The following RGS22 variants were observed in gnomAD, a reference collection of about 807,000 sequenced individuals.
The protein encoded by RGS22 is regulator of G protein signaling 22.
A neutral mutation model predicts 172.9 loss-of-function variants in RGS22; 148 were observed. The observed-to-expected ratio is 0.86, with a 90% confidence interval of 0.75 to 0.98. RGS22 has a LOEUF of 0.98. Among genes scored for constraint, RGS22 ranks in the 50% least tolerant of loss-of-function variants. The probability of loss-of-function intolerance (pLI) is 0.00; values close to 1 mark genes in which losing one functional copy is unlikely to be tolerated. For synonymous variants in RGS22, 458 were observed against 480.2 expected (o/e 0.95, Z 0.60); for missense variants, 1,347 against 1,440.8 (o/e 0.93, Z 1.05).
At position 99,976,568 on chromosome 8, in the gene RGS22, A is replaced by C. The variant is rs570193037; in HGVS notation, c.3519+1349T>G. ...AGTAGAGACGGGGTTTCACCGTGTT[A>C]GCCAGGATGGTCTCGATTTCCTGAC... On this transcript the variant is annotated intron_variant, in intron 23 of 27. Coordinates refer to ENST00000360863, the MANE Select transcript of RGS22 (RefSeq NM_015668.5). Among the ~76,000 whole-genome samples, 340 of 152,202 alleles carry C rather than the reference A, an allele frequency of 2.2e-3. 1 individual carries two copies. The highest frequency in any genetic ancestry group is 7.7e-3 in the African/African-American group (319 of 41,538).
At chr8:100,073,250 C>T (rs967558029) in intron 4 of RGS22, among the ~76,000 whole-genome samples, 14 of 152,094 alleles carry the variant, frequency 9.2e-5, no homozygotes, top group African/African-American at 3.1e-4. Context: ...AGAGTTAACA[C>T]ATAGACCATT....
chr8:100,002,438 G>T, intron 17 of RGS22, 74 bp from the exon 18 acceptor site: 1 of 1,426,740 alleles, frequency 7.0e-7, no homozygotes, highest in South Asian at 1.3e-5. Flanking sequence ...CCCGATTGTT[G>T]TTTTGACAGA....
chr8:100,045,363 G>A (rs984055280), intron 11 of RGS22, among the ~76,000 whole-genome samples: 15 of 152,034 alleles, frequency 9.9e-5, no homozygotes, highest in South Asian at 4.2e-4. Context: ...ACTATACCCC[G>A]GAGCATTCAC....
chr8:100,053,076 C>A, intron 9 of RGS22, 100 bp from the exon 10 acceptor site: 1 of 1,023,264 alleles, frequency 9.8e-7, no homozygotes, highest in South Asian at 1.6e-5. Flanking sequence ...AATTAACAGT[C>A]TTGCCATACC....
At chr8:100,045,296 C>G (rs186683676) in intron 11 of RGS22, among the ~76,000 whole-genome samples, 40 of 152,104 alleles carry the variant, frequency 2.6e-4, no homozygotes, top group African/African-American at 7.7e-4. Context: ...ACCTTAGGCT[C>G]TATATTCCTT....
chr8:100,035,829 A>G (rs1380344858), intron 14 of RGS22, among the ~76,000 whole-genome samples: 2 of 152,146 alleles, frequency 1.3e-5, no homozygotes, highest in Non-Finnish European at 2.9e-5. Context: ...GAAGCTGGAA[A>G]CCATCATTCT....
At chr8:100,031,620 C>A (rs575821643) in intron 14 of RGS22, among the ~76,000 whole-genome samples, 17 of 151,708 alleles carry the variant, frequency 1.1e-4, no homozygotes, top group African/African-American at 4.1e-4. Context: ...TTGTTTCATA[C>A]GTTTACTTAT....
intron 14 of RGS22, among the ~76,000 whole-genome samples, chr8:100,021,992 CT>C (rs1285464371): frequency 6.6e-6 from 1 of 152,076 alleles, no homozygotes; most frequent in Non-Finnish European, 1.5e-5. Context: ...GCAATCCAAT[CT>C]TTTTTTCTGC....
intron 12 of RGS22, among the ~76,000 whole-genome samples, chr8:100,040,822 G>C (rs1319412017): frequency 1.3e-5 from 2 of 152,060 alleles, no homozygotes; most frequent in East Asian, 3.9e-4. Context: ...AAAAAATTTA[G>C]GGTTTAAGTA....
chr8:99,962,290 T>G, intron 27 of RGS22, 104 bp downstream of exon 27: 1 of 718,856 alleles, frequency 1.4e-6, no homozygotes, highest in Non-Finnish European at 2.4e-6. Flanking sequence ...TAGTGGGACA[T>G]GTTATATGTG....
At chr8:100,016,544 G>A (rs1178940068) in intron 14 of RGS22, among the ~76,000 whole-genome samples, 1 of 152,128 alleles carries the variant, frequency 6.6e-6, no homozygotes, top group Non-Finnish European at 1.5e-5. Flanking sequence ...TTGGGAGGCT[G>A]AGGCAGGCAG....
At chr8:100,021,165 G>T (rs79366792) in intron 14 of RGS22, among the ~76,000 whole-genome samples, 1,823 of 152,220 alleles carry the variant, frequency 0.012, 32 homozygotes, top group African/African-American at 0.038. Context: ...ATATTTACTG[G>T]CAGCAAAGCT....
At chr8:100,061,459 A>C (rs1315731643) in intron 9 of RGS22, among the ~76,000 whole-genome samples, 2 of 152,210 alleles carry the variant, frequency 1.3e-5, no homozygotes, top group Admixed American at 6.5e-5. Context: ...AAACAAATTT[A>C]CAAGAAAAAA....
intron 15 of RGS22, 137 bp from the exon 16 acceptor site, chr8:100,006,246 G>C: frequency 1.5e-6 from 1 of 664,278 alleles, no homozygotes; most frequent in Non-Finnish European, 2.5e-6. Context: ...TAGTTTAAAA[G>C]ATTAGCTACA....
intron 14 of RGS22, among the ~76,000 whole-genome samples, chr8:100,038,254 T>C (rs1819710486): frequency 6.6e-6 from 1 of 152,098 alleles, no homozygotes; most frequent in South Asian, 2.1e-4. Flanking sequence ...TGAGTCACAA[T>C]TCTGCTCCCT....
intron 14 of RGS22, among the ~76,000 whole-genome samples, chr8:100,009,916 A>T (rs1333556159): frequency 6.6e-6 from 1 of 152,212 alleles, no homozygotes; most frequent in East Asian, 1.9e-4. Context: ...GAAGAAGCCA[A>T]TTTGGTGGTG....
chr8:100,075,820 G>A (rs1811304746), intron 4 of RGS22, among the ~76,000 whole-genome samples: 1 of 152,128 alleles, frequency 6.6e-6, no homozygotes, highest in Non-Finnish European at 1.5e-5. Flanking sequence ...CAAAGTAGCT[G>A]TACTGTCTTA....
Position 100,106,021 on chromosome 8 carries a change from G to A in RGS22, c.-100C>T. 1 of 1,192,828 alleles carries A rather than the reference G, an allele frequency of 8.4e-7. No individual in the cohort carries two copies. Among genetic ancestry groups the A allele is most frequent in the Non-Finnish European group, 1.0e-6 (1 of 963,700 alleles). The allele number at this position is 1,192,828 out of a possible 1,614,324, so 73.9% of individuals were successfully genotyped here. ...GGCCTGAGCGACGCGGCGACGGCGC[G>A]CGGGCTCCGGAGCTACGCTGGCTAG... On this transcript the variant is annotated 5_prime_UTR_variant, in exon 1 of 28. Transcript: ENST00000360863.
chr8:99,983,989 T>A (rs1467197394), intron 21 of RGS22, among the ~76,000 whole-genome samples: 2 of 152,182 alleles, frequency 1.3e-5, no homozygotes, highest in African/African-American at 4.8e-5. Context: ...CACCTTAGAA[T>A]AAAGCCTATT....
Sources: allele counts gnomAD v4.1 joint callset (sites outside exome capture counted in the v4.1 genomes callset), GRCh38; gene constraint gnomAD v4.1.1; transcripts MANE v1.5; gene names NCBI Gene and HGNC (gene_info 2026-07-23, HGNC 2026-07-21).